The following ITPR1 variants were observed in gnomAD, a reference collection of about 807,000 sequenced individuals.
The protein encoded by ITPR1 is inositol 1,4,5-trisphosphate-gated calcium channel ITPR1.
ITPR1 carries 96 observed loss-of-function variants against 318.4 expected under a neutral mutation model. The observed-to-expected ratio is 0.30, with a 90% CI of 0.26 to 0.36. ITPR1 has a LOEUF of 0.36. Among genes scored for constraint, ITPR1 ranks in the 10% least tolerant of loss-of-function variants. The pLI is 1.00. For synonymous variants in ITPR1, 1,312 were observed against 1,289.9 expected, an observed-to-expected ratio of 1.02 and a Z score of -0.37; for missense variants, 2,440 against 3,460.2, an observed-to-expected ratio of 0.71 and a Z score of 7.40.
intron 6 of ITPR1, among the ~76,000 whole-genome samples, chr3:4,639,874 A>G (rs752350249): frequency 1.3e-5 from 2 of 152,212 alleles, no homozygotes; most frequent in Non-Finnish European, 2.9e-5. Context: ...AATAAGAGCA[A>G]TTCTGTACCT....
At chr3:4,550,178 C>T (rs377112802) in intron 4 of ITPR1, among the ~76,000 whole-genome samples, 139 of 150,938 alleles carry the variant, frequency 9.2e-4, no homozygotes, top group Non-Finnish European at 1.9e-3. Flanking sequence ...TAATTTCTGG[C>T]TATTAAAAGT....
At chr3:4,811,223 A>C in intron 55 of ITPR1, 42 bp from the exon 56 acceptor site, 3 of 1,384,872 alleles carry the variant, frequency 2.2e-6, no homozygotes, top group Non-Finnish European at 1.9e-6. Context: ...ATGTACATCT[A>C]ACATCAAGGC....
chr3:4,687,334 A>C (rs548821391), intron 30 of ITPR1, among the ~76,000 whole-genome samples: 5 of 152,204 alleles, frequency 3.3e-5, no homozygotes, highest in Admixed American at 2.6e-4. Context: ...TAAGCACTTC[A>C]TGTGACTTTT....
chr3:4,561,455 A>G (rs2086665633), intron 4 of ITPR1, among the ~76,000 whole-genome samples: 1 of 152,084 alleles, frequency 6.6e-6, no homozygotes, highest in Admixed American at 6.5e-5. Context: ...GGAGTGGGGG[A>G]TTAAATCTGT....
At position 4,782,665 on chromosome 3, in the gene ITPR1, A is replaced by C. The variant is rs2046911247; in HGVS notation, c.6434A>C (p.Glu2145Ala). The C allele has an allele frequency of 3.1e-6, 5 of 1,604,640 alleles. No homozygotes were observed. Among genetic ancestry groups the C allele is most frequent in the Non-Finnish European group, 4.3e-6 (5 of 1,175,086 alleles). ...KAYMQGEVEF[E>A]DGENGEDGAA... Reference sequence around the variant, plus strand: ...TACATGCAAGGTGAAGTGGAATTTGAGGATGGAGAAAACGGTGAGGATGGG... The same window carrying C: ...TACATGCAAGGTGAAGTGGAATTTGCGGATGGAGAAAACGGTGAGGATGGG... The change falls in exon 50 of 62, where the codon GAG (glutamate) becomes GCG (alanine). Residue 2145 changes from glutamate (E) to alanine (A), a missense_variant. Physicochemically the swap from Glu to Ala is moderately radical, Grantham distance 107. Transcript: ENST00000649015.
At chr3:4,732,800 GT>G (rs2043017623) in intron 42 of ITPR1, among the ~76,000 whole-genome samples, 2 of 152,024 alleles carry the variant, frequency 1.3e-5, no homozygotes, top group South Asian at 4.1e-4. Flanking sequence ...AGAGATTTTT[GT>G]TTGTTATTGT....
At chr3:4,809,710 T>C (rs1021444585) in intron 55 of ITPR1, among the ~76,000 whole-genome samples, 3 of 152,200 alleles carry the variant, frequency 2.0e-5, no homozygotes, top group African/African-American at 7.2e-5. Flanking sequence ...AATCAGAAAC[T>C]ATAGATGAGT....
intron 4 of ITPR1, among the ~76,000 whole-genome samples, chr3:4,585,748 T>G (rs2089826280): frequency 7.3e-6 from 1 of 137,068 alleles, no homozygotes; most frequent in African/African-American, 2.9e-5. Flanking sequence ...AACATGCACT[T>G]TTTTTTTTAA....
intron 4 of ITPR1, among the ~76,000 whole-genome samples, chr3:4,623,275 T>C (rs1381000369): frequency 6.6e-6 from 1 of 152,204 alleles, no homozygotes; most frequent in Non-Finnish European, 1.5e-5. Context: ...CTGTCTGGCT[T>C]CTAGCCCACC....
chr3:4,544,359 G>A (rs937867308), intron 4 of ITPR1, among the ~76,000 whole-genome samples: 2 of 152,210 alleles, frequency 1.3e-5, no homozygotes, highest in Non-Finnish European at 2.9e-5. Flanking sequence ...TACAGGTAAT[G>A]TAACTATCCA....
intron 23 of ITPR1, 43 bp from the exon 24 acceptor site, chr3:4,676,571 C>T (rs2094189610): frequency 1.3e-6 from 2 of 1,504,700 alleles, no homozygotes; most frequent in Non-Finnish European, 1.8e-6. Context: ...TCTGAGCATT[C>T]TCTAGAGACA....
chr3:4,733,032 T>C (rs2043034597), intron 42 of ITPR1, 56 bp from the exon 43 acceptor site: 4 of 1,563,822 alleles, frequency 2.6e-6, no homozygotes, highest in Non-Finnish European at 3.5e-6. Context: ...TGAATATTCG[T>C]CCCTCGGTGA....
chr3:4,550,673 G>A (rs553166169), intron 4 of ITPR1, among the ~76,000 whole-genome samples: 1 of 151,978 alleles, frequency 6.6e-6, no homozygotes, highest in Non-Finnish European at 1.5e-5. Context: ...TGAAACTAGG[G>A]GTTTGAAACC....
intron 44 of ITPR1, among the ~76,000 whole-genome samples, chr3:4,757,367 A>G (rs1197167018): frequency 6.6e-6 from 1 of 152,136 alleles, no homozygotes. Flanking sequence ...AATGTATTAA[A>G]CGTCATGGGA....
At position 4,673,401 on chromosome 3, in the gene ITPR1, C is replaced by A. The variant is rs2094125105; in HGVS notation, c.2456+14C>A. On this transcript the variant is annotated intron_variant, in intron 21 of 61. Transcript: ENST00000649015. ...CGCCATTGACGAGTGAGCCTGGCAC[C>A]TGAAAACCTCACTTTACATTATTCT... The A allele has an allele frequency of 6.3e-7, 1 of 1,589,244 alleles. No homozygotes were observed. Among genetic ancestry groups the A allele is most frequent in the Non-Finnish European group, 8.6e-7 (1 of 1,164,280 alleles).
rs375818849 is a variant in ITPR1 at position 4,653,824 on chromosome 3, A to T, written c.952-18A>T. The stretch of plus-strand genomic sequence containing the variant: ...AAGCAATGGATGTTTTAATTTCCTA[A>T]TGATTCTTTTTCATCAGGTAGACCC... On this transcript the variant is annotated intron_variant, in intron 11 of 61. Transcript: ENST00000649015. 8.1e-6 allele frequency: 13 copies of T among 1,597,116 alleles called. No individual in the cohort carries two copies. Among genetic ancestry groups the T allele is most frequent in the Admixed American group, 1.7e-5 (1 of 58,808 alleles).
intron 40 of ITPR1, among the ~76,000 whole-genome samples, chr3:4,723,669 T>C (rs765963473): frequency 3.3e-5 from 5 of 151,452 alleles, no homozygotes; most frequent in South Asian, 2.1e-4. Flanking sequence ...GACGACATAC[T>C]AGTTCCATCT....
chr3:4,845,449 GCTT>G lies in ITPR1; in HGVS notation c.8191-686_8191-684del, dbSNP rs2051693225. 3.9e-5 allele frequency among the ~76,000 whole-genome samples: 6 copies of G among 152,172 alleles called. No individual in the cohort carries two copies. In the South Asian group the frequency reaches 8.3e-4, roughly 21 times the overall value. Reference sequence around the variant, plus strand: ...TTCAGCAACCAAATGAATAGAATCGGCTTCTTGTTTGGGATTTTGAAAGTACTT... The same window carrying G: ...TTCAGCAACCAAATGAATAGAATCGGCTTGTTTGGGATTTTGAAAGTACTT... On this transcript the variant is annotated intron_variant, in intron 61 of 61. Transcript: ENST00000649015.
chr3:4,536,940 A>G (rs759873038), intron 4 of ITPR1, among the ~76,000 whole-genome samples: 1 of 141,260 alleles, frequency 7.1e-6, no homozygotes, highest in Non-Finnish European at 1.5e-5. Context: ...TAACCTAAAC[A>G]AAAGGGGGAT....
Sources: gnomAD v4.1 joint callset for allele counts (sites outside exome capture counted in the v4.1 genomes callset) on GRCh38, gnomAD v4.1.1 for gene constraint, MANE v1.5 for transcripts, NCBI Gene and HGNC (gene_info 2026-07-23, HGNC 2026-07-21) for gene names.